The following GSG1L variants were observed in gnomAD, a reference collection of about 807,000 sequenced individuals.
GSG1L encodes germ cell-specific gene 1-like protein.
In GSG1L, 24 loss-of-function variants were observed where a neutral mutation model predicts 42.1. That is an observed-to-expected ratio of 0.57 (90% CI 0.41 to 0.80). The LOEUF is 0.80. GSG1L is among the 30% of genes least tolerant of loss of function. GSG1L has a pLI of 0.00. For missense variants in GSG1L, 445 were observed against 472.2 expected (o/e 0.94, Z 0.53); for synonymous variants, 215 against 203.5 (o/e 1.06, Z -0.48).
intron 3 of GSG1L, among the ~76,000 whole-genome samples, chr16:27,851,099 G>A (rs2083509361): frequency 6.6e-6 from 1 of 152,196 alleles, no homozygotes; most frequent in Non-Finnish European, 1.5e-5. Context: ...GGTGCGAGGA[G>A]GTTCTAGAAA....
chr16:28,049,195 G>A (rs2141192888), intron 1 of GSG1L, among the ~76,000 whole-genome samples: 1 of 152,212 alleles, frequency 6.6e-6, no homozygotes, highest in Admixed American at 6.5e-5. Flanking sequence ...AATGAGAAAA[G>A]GAAACTCATC....
At chr16:28,047,295 A>G (rs943909413) in intron 1 of GSG1L, among the ~76,000 whole-genome samples, 1 of 152,218 alleles carries the variant, frequency 6.6e-6, no homozygotes, top group Non-Finnish European at 1.5e-5. Context: ...TTATAACAAA[A>G]ATGGAAGTCC....
chr16:28,002,774 CA>C (rs753093273), intron 1 of GSG1L, among the ~76,000 whole-genome samples: 327 of 132,790 alleles, frequency 2.5e-3, no homozygotes, highest in East Asian at 5.4e-3. Context: ...ACTAAAAATA[CA>C]AAAAAAAAAA....
intron 5 of GSG1L, among the ~76,000 whole-genome samples, chr16:27,809,718 T>A (rs1470258450): frequency 1.3e-5 from 2 of 152,154 alleles, no homozygotes; most frequent in African/African-American, 4.8e-5. Context: ...TCTCACCCTG[T>A]CTTTGTCTCA....
chr16:28,052,431 G>A (rs1159157600), intron 1 of GSG1L, among the ~76,000 whole-genome samples: 1 of 152,082 alleles, frequency 6.6e-6, no homozygotes, highest in Non-Finnish European at 1.5e-5. Context: ...GCTGGCCCCA[G>A]GTCTCTGCTC....
chr16:27,864,293 G>A (rs754812572), intron 3 of GSG1L, among the ~76,000 whole-genome samples: 1 of 152,176 alleles, frequency 6.6e-6, no homozygotes, highest in Non-Finnish European at 1.5e-5. Context: ...AACATGGCAT[G>A]AGGGTGGAAA....
intron 3 of GSG1L, among the ~76,000 whole-genome samples, chr16:27,867,822 G>T (rs2083750083): frequency 6.6e-6 from 1 of 152,150 alleles, no homozygotes; most frequent in South Asian, 2.1e-4. Context: ...GCCCCCTGAG[G>T]CCAGCCACTT....
chr16:27,950,519 C>T (rs763156527), intron 2 of GSG1L, among the ~76,000 whole-genome samples: 1 of 151,996 alleles, frequency 6.6e-6, no homozygotes, highest in Non-Finnish European at 1.5e-5. Context: ...GTGGCAGAAC[C>T]AGCACTTCAG....
At chr16:27,814,179 A>G (rs1026417007) in intron 5 of GSG1L, among the ~76,000 whole-genome samples, 4 of 152,068 alleles carry the variant, frequency 2.6e-5, no homozygotes, top group Admixed American at 2.0e-4. Context: ...TGGCACAATC[A>G]TATCTCACTG....
intron 1 of GSG1L, among the ~76,000 whole-genome samples, chr16:27,992,495 C>CAAAAA (rs34225891): frequency 6.9e-6 from 1 of 145,146 alleles, no homozygotes; most frequent in Non-Finnish European, 1.5e-5. Flanking sequence ...AACTCCATCT[C>CAAAAA]AAAAAAAAAA....
intron 1 of GSG1L, among the ~76,000 whole-genome samples, chr16:27,974,387 G>A (rs2085228840): frequency 6.6e-6 from 1 of 152,186 alleles, no homozygotes; most frequent in African/African-American, 2.4e-5. Context: ...GTGGGGAGAG[G>A]AAGGGTAGGG....
chr16:28,006,790 A>G (rs1205005453), intron 1 of GSG1L, among the ~76,000 whole-genome samples: 1 of 152,188 alleles, frequency 6.6e-6, no homozygotes, highest in Admixed American at 6.5e-5. Context: ...TGGTCAACCA[A>G]GCCCTCCGGT....
chr16:27,983,861 T>C (rs1013737200), intron 1 of GSG1L, among the ~76,000 whole-genome samples: 7 of 152,136 alleles, frequency 4.6e-5, no homozygotes, highest in African/African-American at 1.7e-4. Flanking sequence ...AAACAGCCTG[T>C]TGCATGGCAA....
intron 1 of GSG1L, among the ~76,000 whole-genome samples, chr16:28,038,719 C>T (rs759571122): frequency 1.3e-5 from 2 of 152,184 alleles, no homozygotes; most frequent in African/African-American, 2.4e-5. Flanking sequence ...CCTGCCCGCC[C>T]GCTTCTGAGA....
chr16:27,988,019 T>C (rs1220295346), intron 1 of GSG1L, among the ~76,000 whole-genome samples: 1 of 149,752 alleles, frequency 6.7e-6, no homozygotes, highest in African/African-American at 2.5e-5. Context: ...TAATTTCAAA[T>C]CTTAAAGTCA....
intron 6 of GSG1L, among the ~76,000 whole-genome samples, chr16:27,797,912 T>C (rs990500933): frequency 1.3e-5 from 2 of 149,930 alleles, no homozygotes; most frequent in African/African-American, 4.9e-5. Context: ...AGCTCTTAAG[T>C]GAAATAACTC....
At chr16:27,872,824 G>C (rs552519275) in intron 3 of GSG1L, among the ~76,000 whole-genome samples, 6 of 152,142 alleles carry the variant, frequency 3.9e-5, no homozygotes, top group Non-Finnish European at 5.9e-5. Context: ...GGTCTAAAAG[G>C]GGGAGGAGCC....
intron 2 of GSG1L, among the ~76,000 whole-genome samples, chr16:27,919,748 A>G (rs1175289267): frequency 6.6e-6 from 1 of 152,236 alleles, no homozygotes; most frequent in Non-Finnish European, 1.5e-5. Flanking sequence ...AAATTACATT[A>G]CAGGAGGGGG....
intron 6 of GSG1L, among the ~76,000 whole-genome samples, chr16:27,804,061 A>AGATAGATAGAT: frequency 6.6e-6 from 1 of 151,954 alleles, no homozygotes; most frequent in Non-Finnish European, 1.5e-5. Context: ...ATAGATAGAT[A>AGATAGATAGAT]GATAGATAGA....
Sources: gnomAD v4.1 joint callset for allele counts (sites outside exome capture counted in the v4.1 genomes callset) on GRCh38, gnomAD v4.1.1 for gene constraint, MANE v1.5 for transcripts, NCBI Gene and HGNC (gene_info 2026-07-23, HGNC 2026-07-21) for gene names.